Variants in DAPK1 observed in about 807,000 individuals in gnomAD.
DAPK1 encodes the protein death associated protein kinase 1.
A neutral mutation model predicts 144.9 loss-of-function variants in DAPK1; 56 were observed. The observed-to-expected ratio is 0.39, with a 90% confidence interval of 0.31 to 0.48. The LOEUF is 0.48. Among genes scored for constraint, DAPK1 ranks in the 20% least tolerant of loss-of-function variants. The pLI, the probability that DAPK1 is intolerant of heterozygous loss-of-function variation, is 0.95. For synonymous variants in DAPK1, 690 were observed against 749.0 expected, an observed-to-expected ratio of 0.92 and a Z score of 1.29; for missense variants, 1,454 against 1,875.4, an observed-to-expected ratio of 0.78 and a Z score of 4.15.
Position 87,686,547 on chromosome 9 carries a change from G to T in DAPK1, c.2225-4G>T, listed in dbSNP as rs954168374. 5.9e-6 allele frequency: 9 copies of T among 1,523,460 alleles called. No homozygotes were observed. Among genetic ancestry groups the T allele is most frequent in the Non-Finnish European group, 5.4e-6 (6 of 1,118,272 alleles). 94.4% of individuals were successfully genotyped at this position (1,523,460 alleles called of 1,614,324 possible). The stretch of plus-strand genomic sequence containing the variant: ...GTACTCATGTGATCCTTTCCATCCT[G>T]CAGTCTCAGTGAGCATCAACAACCT... On this transcript the variant is annotated splice_region_variant and splice_polypyrimidine_tract_variant and intron_variant, in intron 20 of 25. Coordinates refer to ENST00000408954, the MANE Select transcript of DAPK1 (RefSeq NM_004938.4). The surrounding 1 kb of genome is among the most constrained non-coding windows in gnomAD (Gnocchi z 4.2).
chr9:87,675,935 C>T (rs141332299), intron 19 of DAPK1, among the ~76,000 whole-genome samples: 130 of 149,364 alleles, frequency 8.7e-4, no homozygotes, highest in African/African-American at 2.7e-3. Flanking sequence ...CAGAATTCTG[C>T]GCTCCTTGGA....
At chr9:87,541,864 A>G (rs1361822603) in intron 2 of DAPK1, among the ~76,000 whole-genome samples, 1 of 152,200 alleles carries the variant, frequency 6.6e-6, no homozygotes. Context: ...ACATGTCTAT[A>G]TAGGCCATGC....
intron 2 of DAPK1, among the ~76,000 whole-genome samples, chr9:87,547,134 G>A (rs1826278771): frequency 6.6e-6 from 1 of 152,180 alleles, no homozygotes; most frequent in African/African-American, 2.4e-5. Context: ...CCCAGCCTGG[G>A]TGACAGAGCC....
chr9:87,527,789 C>T (rs1299766219), intron 2 of DAPK1, among the ~76,000 whole-genome samples: 1 of 152,192 alleles, frequency 6.6e-6, no homozygotes, highest in East Asian at 1.9e-4. Flanking sequence ...TTCACATCCT[C>T]CTCTTTTTGC....
At chr9:87,632,922 A>AGATATATATATATATATATATAT (rs1564033114) in intron 3 of DAPK1, 1 of 923,294 alleles carries the variant, frequency 1.1e-6, no homozygotes, top group Non-Finnish European at 1.3e-6. Context: ...ATATATATAT[A>AGATATATATATATATATATATAT]AATGAAGGGT....
chr9:87,502,963 G>A (rs1371576820), intron 2 of DAPK1, among the ~76,000 whole-genome samples: 1 of 152,124 alleles, frequency 6.6e-6, no homozygotes, highest in African/African-American at 2.4e-5. Context: ...ATGCAGTTTG[G>A]CAAGTGTAAT....
At chr9:87,612,621 G>C (rs1828967961) in intron 3 of DAPK1, among the ~76,000 whole-genome samples, 1 of 152,214 alleles carries the variant, frequency 6.6e-6, no homozygotes, top group Non-Finnish European at 1.5e-5. Context: ...ACAGAAACTA[G>C]ATTTCCTGGA....
chr9:87,498,128 C>A (rs966561369), intron 1 of DAPK1, 21 bp downstream of exon 1: 2 of 397,240 alleles, frequency 5.0e-6, no homozygotes, highest in Non-Finnish European at 8.9e-6. Context: ...AGGCGCGGCT[C>A]CCCGGTCCCC....
chr9:87,676,412 G>A (rs778543720), intron 19 of DAPK1, among the ~76,000 whole-genome samples: 58 of 152,222 alleles, frequency 3.8e-4, no homozygotes, highest in Non-Finnish European at 7.3e-4. Context: ...GTCCCTACCC[G>A]CCATCTGGTA....
In DAPK1 at chr9:87,704,459, C is replaced by T. The variant is rs114199333; in HGVS notation, c.3060+1242C>T. ...GCAGCAGGAACTACATTGTGTGGCC[C>T]GACTTTGATTGGCCCCGGGCCTCCT... On this transcript the variant is annotated intron_variant, in intron 25 of 25. Coordinates refer to ENST00000408954, the MANE Select transcript of DAPK1 (RefSeq NM_004938.4). Among the ~76,000 whole-genome samples, 912 of 152,220 alleles carry T rather than the reference C, an allele frequency of 6.0e-3. 5 individuals are homozygous for T. Among genetic ancestry groups the T allele is most frequent in the African/African-American group, 0.021 (877 of 41,520 alleles).
At chr9:87,587,256 C>T (rs1288047597) in intron 2 of DAPK1, among the ~76,000 whole-genome samples, 4 of 152,116 alleles carry the variant, frequency 2.6e-5, no homozygotes, top group East Asian at 3.8e-4. Flanking sequence ...TTAATAATAA[C>T]GGAAGAAAAA....
intron 20 of DAPK1, among the ~76,000 whole-genome samples, chr9:87,683,581 G>A (rs1824722468): frequency 6.6e-6 from 1 of 152,160 alleles, no homozygotes; most frequent in Admixed American, 6.5e-5. Flanking sequence ...TGCAGATGAT[G>A]CCCAGGAGCC....
intron 3 of DAPK1, among the ~76,000 whole-genome samples, chr9:87,625,765 A>G (rs1196511230): frequency 6.6e-6 from 1 of 152,194 alleles, no homozygotes; most frequent in Non-Finnish European, 1.5e-5. Flanking sequence ...GAAAATCCTG[A>G]TTTCTGCAGA....
intron 18 of DAPK1, among the ~76,000 whole-genome samples, chr9:87,659,262 A>T (rs1182885581): frequency 6.6e-6 from 1 of 152,106 alleles, no homozygotes; most frequent in Non-Finnish European, 1.5e-5. Context: ...CTGCAGGCCC[A>T]GTTATTACCA....
intron 3 of DAPK1, among the ~76,000 whole-genome samples, chr9:87,606,436 A>G (rs1418984753): frequency 1.3e-5 from 2 of 151,946 alleles, no homozygotes; most frequent in Non-Finnish European, 2.9e-5. Flanking sequence ...GATGACATTA[A>G]TATGCTCCCT....
chr9:87,629,534 TG>T (rs1435774780), intron 3 of DAPK1, among the ~76,000 whole-genome samples: 1 of 152,186 alleles, frequency 6.6e-6, no homozygotes, highest in Non-Finnish European at 1.5e-5. Context: ...TATTGTTTTT[TG>T]AATATGTTTT....
chr9:87,692,684 C>T (rs1825102390), intron 21 of DAPK1, among the ~76,000 whole-genome samples: 1 of 152,036 alleles, frequency 6.6e-6, no homozygotes, highest in South Asian at 2.1e-4. Flanking sequence ...AAAGAATTGT[C>T]CTTTCACTTC....
intron 2 of DAPK1, among the ~76,000 whole-genome samples, chr9:87,595,398 TC>T (rs1309967121): frequency 1.3e-5 from 2 of 152,270 alleles, no homozygotes; most frequent in African/African-American, 4.8e-5. Context: ...GAAATATTCT[TC>T]CAGATGGATC....
chr9:87,541,781 C>T (rs1243907388), intron 2 of DAPK1, among the ~76,000 whole-genome samples: 1 of 152,172 alleles, frequency 6.6e-6, no homozygotes, highest in African/African-American at 2.4e-5. Flanking sequence ...TATATAGCAA[C>T]AGATATTATG....
Sources: gnomAD v4.1 joint callset for allele counts (sites outside exome capture counted in the v4.1 genomes callset) on GRCh38, gnomAD v4.1.1 for gene constraint, Gnocchi (gnomAD v3.1) non-coding constraint, MANE v1.5 for transcripts, NCBI Gene and HGNC (gene_info 2026-07-23, HGNC 2026-07-21) for gene names.